BASP1: variants seen among roughly 807,000 people sequenced by gnomAD.
The protein encoded by BASP1 is brain abundant membrane attached signal protein 1, also known as brain acid soluble protein 1.
In BASP1, 1 loss-of-function variant was observed where a neutral mutation model predicts 2.2. The observed-to-expected ratio is 0.46, with a 90% CI of 0.16 to 2.17. BASP1 has a LOEUF of 2.17. Ranked by LOEUF, BASP1 falls within the 30% of genes most tolerant of loss-of-function variation. BASP1 has a pLI of 0.27. For missense variants in BASP1, 352 were observed against 327.2 expected, an observed-to-expected ratio of 1.08 and a Z score of -0.58; for synonymous variants, 187 against 154.2, an observed-to-expected ratio of 1.21 and a Z score of -1.58.
intron 1 of BASP1, among the ~76,000 whole-genome samples, chr5:17,273,143 T>C (rs1332237108): frequency 6.6e-6 from 1 of 152,236 alleles, no homozygotes. Context: ...AAATTATATT[T>C]GGTATAGGCC....
Position 17,275,528 on chromosome 5 carries a change from C to T in BASP1, c.312C>T (p.Pro104=), listed in dbSNP as rs1740626679. 4.9e-6 allele frequency: 7 copies of T among 1,426,724 alleles called. No homozygotes were observed. Among genetic ancestry groups the T allele is most frequent in the South Asian group, 3.0e-5 (2 of 65,712 alleles). 88.4% of individuals were successfully genotyped at this position (1,426,724 alleles called of 1,614,324 possible). ...CCAAGGCTGAGCCCCCGAAGGCGCC[C>T]GAGCAGGAGCAGGCGGCCCCCGGCC... ...AEAKAEPPKA[P]EQEQAAPGPA... Residue 104 remains proline (P), a synonymous_variant, in exon 2 of 2, where the codon CCC becomes CCT. Transcript: ENST00000322611. This position sits in a 1 kb window ranked among gnomAD's most constrained non-coding sequence, Gnocchi z 5.3.
In BASP1 at chr5:17,275,159, A is replaced by G; in HGVS notation, c.-9-49A>G. Reference sequence around the variant, plus strand: ...CAAAATGCAGCTTTTTGTGGTCCCCACACTTGCCTAGTAACCGCCGTTTTG... The same window carrying G: ...CAAAATGCAGCTTTTTGTGGTCCCCGCACTTGCCTAGTAACCGCCGTTTTG... On this transcript the variant is annotated intron_variant, in intron 1 of 1. Transcript: ENST00000322611. This position sits in a 1 kb window ranked among gnomAD's most constrained non-coding sequence, Gnocchi z 5.3. The G allele has an allele frequency of 6.3e-7, 1 of 1,591,532 alleles. No homozygotes were observed. The highest frequency in any genetic ancestry group is 8.6e-7 in the Non-Finnish European group (1 of 1,165,454).
intron 1 of BASP1, among the ~76,000 whole-genome samples, chr5:17,250,893 A>C (rs1010735207): frequency 1.1e-4 from 17 of 152,152 alleles, no homozygotes; most frequent in African/African-American, 3.9e-4. Context: ...CGTGAGCCAC[A>C]GCGCCCGGCC....
intron 1 of BASP1, among the ~76,000 whole-genome samples, chr5:17,247,903 T>C (rs902221047): frequency 1.3e-5 from 2 of 152,200 alleles, no homozygotes; most frequent in African/African-American, 4.8e-5. Context: ...CCTCCCTCTT[T>C]CCTGGAAAAG....
upstream of BASP1, chr5:17,217,025 T>C (rs1739249366): frequency 6.8e-6 from 1 of 146,162 alleles, no homozygotes; most frequent in Admixed American, 7.0e-5. Context: ...CGAGCACTTC[T>C]TATCCAACGG....
intron 1 of BASP1, among the ~76,000 whole-genome samples, chr5:17,240,324 C>G (rs1739837704): frequency 6.6e-6 from 1 of 151,970 alleles, no homozygotes; most frequent in Admixed American, 6.6e-5. Flanking sequence ...CACCTGAGGT[C>G]AGAAGTTTGA....
chr5:17,262,256 G>A (rs1056719896), intron 1 of BASP1, among the ~76,000 whole-genome samples: 3 of 152,106 alleles, frequency 2.0e-5, no homozygotes, highest in Non-Finnish European at 4.4e-5. Flanking sequence ...AATCTCAACT[G>A]GACATTTCCT....
Position 17,275,470 on chromosome 5 carries a change from C to T in BASP1, c.254C>T (p.Ala85Val), listed in dbSNP as rs1234911317. 1.3e-6 allele frequency: 2 copies of T among 1,495,786 alleles called. No homozygotes were observed. Among genetic ancestry groups the T allele is most frequent in the South Asian group, 1.3e-5 (1 of 75,500 alleles). 92.7% of individuals were successfully genotyped at this position (1,495,786 alleles called of 1,614,324 possible). ...AAAAKEEAPK[A>V]EPEKTEGAAE... is the part of the protein sequence containing the mutation. ...GCTGCCAAGGAGGAGGCCCCGAAGGCGGAGCCCGAGAAGACGGAGGGCGCG... is the reference window on the plus strand; with the variant it reads ...GCTGCCAAGGAGGAGGCCCCGAAGGTGGAGCCCGAGAAGACGGAGGGCGCG... Residue 85 changes from alanine to valine, a missense_variant, in exon 2 of 2, where the codon GCG becomes GTG. By Grantham distance (64) the Ala-to-Val change is moderately conservative. Coordinates refer to ENST00000322611, the MANE Select transcript of BASP1 (RefSeq NM_006317.5). This position sits in a 1 kb window ranked among gnomAD's most constrained non-coding sequence, Gnocchi z 5.3.
intron 1 of BASP1, among the ~76,000 whole-genome samples, chr5:17,259,228 T>G (rs1740267998): frequency 6.6e-6 from 1 of 152,136 alleles, no homozygotes; most frequent in African/African-American, 2.4e-5. Flanking sequence ...AAACTCCTGT[T>G]TTTAAAACCA....
chr5:17,261,098 T>C (rs1740303878), intron 1 of BASP1, among the ~76,000 whole-genome samples: 1 of 152,218 alleles, frequency 6.6e-6, no homozygotes, highest in South Asian at 2.1e-4. Flanking sequence ...CAAAGATGGA[T>C]GGTTTATCTA....
rs776158904 is a variant in BASP1 at position 17,249,763 on chromosome 5, C to T, written c.-9-25445C>T. On this transcript the variant is annotated intron_variant, in intron 1 of 1. Coordinates refer to ENST00000322611, the MANE Select transcript of BASP1 (RefSeq NM_006317.5). ...AACGTTTATCTATCTTTGCATCTTC[C>T]GACTTTATTAATTTTTCTTCAACCC... Among the ~76,000 whole-genome samples the T allele has an allele frequency of 5.9e-5, 9 of 152,042 alleles. No homozygotes were observed. The East Asian group carries it at 9.7e-4, about 16-fold the overall frequency.
intron 1 of BASP1, among the ~76,000 whole-genome samples, chr5:17,254,327 C>G (rs1209794334): frequency 1.3e-5 from 2 of 152,174 alleles, no homozygotes; most frequent in East Asian, 3.8e-4. Flanking sequence ...TCCAGACAAG[C>G]TGCACTCATG....
At chr5:17,227,452 A>G (rs2126490319) in intron 1 of BASP1, among the ~76,000 whole-genome samples, 1 of 151,966 alleles carries the variant, frequency 6.6e-6, no homozygotes, top group East Asian at 1.9e-4. Flanking sequence ...CCCAGGCTGG[A>G]GTGCAGTGGC....
chr5:17,268,891 CATATTTTTCCTATAAATAGAAATTTCT>C (rs1307283070), intron 1 of BASP1, among the ~76,000 whole-genome samples: 1 of 152,194 alleles, frequency 6.6e-6, no homozygotes, highest in Admixed American at 6.5e-5. Flanking sequence ...CATAGGACCA[CATATTTTTCCTATAAATAGAAATTTCT>C]GTAAAATAAG....
rs1363889540 is a variant in BASP1, at chr5:17,246,674, G to A, written c.-9-28534G>A. Among the ~76,000 whole-genome samples the A allele has an allele frequency of 6.6e-5, 10 of 152,320 alleles. No homozygotes were observed. In the East Asian group the frequency reaches 1.9e-3, roughly 29 times the overall value. Reference sequence around the variant, plus strand: ...GAATAATGTCAACTCACATCTCTGTGACTAGATGCAGGCTTCTTAGGATAT... The same window carrying A: ...GAATAATGTCAACTCACATCTCTGTAACTAGATGCAGGCTTCTTAGGATAT... On this transcript the variant is annotated intron_variant, in intron 1 of 1. Transcript: ENST00000322611.
intron 1 of BASP1, among the ~76,000 whole-genome samples, chr5:17,270,977 A>G (rs144031652): frequency 6.6e-6 from 1 of 152,284 alleles, no homozygotes; most frequent in East Asian, 1.9e-4. Flanking sequence ...TTGAAATTCA[A>G]TTCTTGTCCA....
chr5:17,240,737 G>A (rs1739845381), intron 1 of BASP1: 1 of 152,082 alleles, frequency 6.6e-6, no homozygotes, highest in Non-Finnish European at 1.5e-5. Context: ...AAAGTTGAAG[G>A]GAGTGCCCTA....
Position 17,275,876 on chromosome 5 carries a change from C to A in BASP1, c.660C>A (p.Asp220Glu). ...TGGAGGCCCCGGCAGCTAATTCCGA[C>A]CAAACCGTAACCGTGAAAGAGTGAC... Reference protein sequence around the residue: ...KPVEAPAANSDQTVTVKE With the variant: ...KPVEAPAANSEQTVTVKE The change falls in exon 2 of 2, where the codon GAC becomes GAA. Residue 220 changes from aspartate (D) to glutamate (E), a missense_variant. Physicochemically the swap from Asp to Glu is conservative, Grantham distance 45. Transcript: ENST00000322611. This position sits in a 1 kb window ranked among gnomAD's most constrained non-coding sequence, Gnocchi z 5.3. The A allele has an allele frequency of 6.3e-7, 1 of 1,597,274 alleles. No homozygotes were observed. Among genetic ancestry groups the A allele is most frequent in the South Asian group, 1.1e-5 (1 of 89,234 alleles).
At chr5:17,241,391 C>T (rs1192738381) in intron 1 of BASP1, among the ~76,000 whole-genome samples, 4 of 152,126 alleles carry the variant, frequency 2.6e-5, no homozygotes, top group Non-Finnish European at 5.9e-5. Flanking sequence ...TGAACCACTG[C>T]GCCTGGCCCA....
Sources: allele counts gnomAD v4.1 joint callset (sites outside exome capture counted in the v4.1 genomes callset), GRCh38; gene constraint gnomAD v4.1.1; non-coding constraint Gnocchi (gnomAD v3.1); transcripts MANE v1.5; gene names NCBI Gene and HGNC (gene_info 2026-07-23, HGNC 2026-07-21).